The following CASQ2 variants were observed in gnomAD, a reference collection of about 807,000 sequenced individuals.
CASQ2 encodes the protein calsequestrin-2.
Under a neutral mutation model 46.5 loss-of-function variants are expected in CASQ2, and 49 were observed. The ratio of observed to expected loss-of-function variants is 1.05; its 90% CI spans 0.84 to 1.34. CASQ2 has a LOEUF of 1.34. Ranked by LOEUF, CASQ2 falls within the 40% of genes most tolerant of loss-of-function variation. The probability of loss-of-function intolerance (pLI) is 0.00; values close to 1 mark genes in which losing one functional copy is unlikely to be tolerated. For synonymous variants in CASQ2, 174 were observed against 168.5 expected (o/e 1.03, Z -0.25); for missense variants, 486 against 481.3 (o/e 1.01, Z -0.09).
At chr1:115,752,094 C>T (rs1244933289) in intron 1 of CASQ2, among the ~76,000 whole-genome samples, 3 of 152,214 alleles carry the variant, frequency 2.0e-5, no homozygotes, top group African/African-American at 4.8e-5. Context: ...TGCTTCTACA[C>T]ACACCCCTCA....
At chr1:115,740,611 A>G in intron 3 of CASQ2, 117 bp downstream of exon 3, 2 of 719,198 alleles carry the variant, frequency 2.8e-6, no homozygotes, top group Non-Finnish European at 4.9e-6. Context: ...GTGAATCCTG[A>G]AAAACCTGTC....
chr1:115,763,289 T>C (rs1649023542), intron 1 of CASQ2, among the ~76,000 whole-genome samples: 1 of 151,960 alleles, frequency 6.6e-6, no homozygotes, highest in Admixed American at 6.6e-5. Flanking sequence ...ATTTAATAAA[T>C]GGCATGGATG....
chr1:115,740,336 A>C (rs1278072427), intron 3 of CASQ2, among the ~76,000 whole-genome samples: 1 of 152,154 alleles, frequency 6.6e-6, no homozygotes, highest in Non-Finnish European at 1.5e-5. Context: ...GAGGGTGGCT[A>C]ACTCAGGGTG....
chr1:115,765,828 T>C (rs989433412), intron 1 of CASQ2, among the ~76,000 whole-genome samples: 2 of 152,160 alleles, frequency 1.3e-5, no homozygotes, highest in Non-Finnish European at 2.9e-5. Flanking sequence ...AACTGCCTCC[T>C]CTTTTCCCCC....
At chr1:115,742,424 A>C (rs1648220062) in intron 2 of CASQ2, among the ~76,000 whole-genome samples, 1 of 152,126 alleles carries the variant, frequency 6.6e-6, no homozygotes, top group Admixed American at 6.6e-5. Flanking sequence ...GATAGAGGCC[A>C]AAATAAGGCA....
chr1:115,741,228 A>G (rs7551828), intron 2 of CASQ2, among the ~76,000 whole-genome samples: 108,125 of 152,094 alleles, frequency 0.71, 42,160 homozygotes, highest in Non-Finnish European at 0.88. Context: ...ATTCTCCCTT[A>G]GGTAGACTTG....
At chr1:115,756,863 C>T (rs913815770) in intron 1 of CASQ2, among the ~76,000 whole-genome samples, 1 of 152,186 alleles carries the variant, frequency 6.6e-6, no homozygotes, top group African/African-American at 2.4e-5. Context: ...AGAAGAATCG[C>T]TTGAACCCGG....
At chr1:115,766,663 C>T (rs1027970651) in intron 1 of CASQ2, among the ~76,000 whole-genome samples, 3 of 152,140 alleles carry the variant, frequency 2.0e-5, no homozygotes, top group Non-Finnish European at 2.9e-5. Context: ...AATGATGCCT[C>T]ACTCCAGCTT....
chr1:115,758,440 G>A (rs561555139), intron 1 of CASQ2, among the ~76,000 whole-genome samples: 2 of 152,160 alleles, frequency 1.3e-5, no homozygotes, highest in African/African-American at 2.4e-5. Flanking sequence ...AGGTGCTGGG[G>A]TATAGCAATG....
At chr1:115,724,227 A>G (rs1647489763) in intron 7 of CASQ2, among the ~76,000 whole-genome samples, 2 of 152,220 alleles carry the variant, frequency 1.3e-5, no homozygotes, top group South Asian at 4.1e-4. Flanking sequence ...GTTTTTAGTT[A>G]TGTGTCTTTT....
intron 1 of CASQ2, among the ~76,000 whole-genome samples, chr1:115,755,258 A>G (rs1648719591): frequency 1.3e-5 from 2 of 152,262 alleles, no homozygotes; most frequent in East Asian, 1.9e-4. Context: ...CCCTTTACCA[A>G]TTTTTCTCAA....
chr1:115,713,317 G>C (rs1159518267), intron 8 of CASQ2, among the ~76,000 whole-genome samples: 1 of 152,190 alleles, frequency 6.6e-6, no homozygotes, highest in Non-Finnish European at 1.5e-5. Flanking sequence ...AGGAAGACTG[G>C]CAGCACCACC....
intron 8 of CASQ2, among the ~76,000 whole-genome samples, chr1:115,711,020 G>A (rs4543790): frequency 0.58 from 88,034 of 152,106 alleles, 25,891 homozygotes; most frequent in East Asian, 0.66. Context: ...GGCCACATTC[G>A]GCAGAGGCTC....
intron 8 of CASQ2, among the ~76,000 whole-genome samples, chr1:115,716,795 G>A (rs996364834): frequency 6.6e-6 from 1 of 152,168 alleles, no homozygotes; most frequent in Non-Finnish European, 1.5e-5. Context: ...ACTACCCCAG[G>A]ATAATGTAGC....
chr1:115,730,497 T>C (rs1647747687), intron 5 of CASQ2, among the ~76,000 whole-genome samples: 1 of 152,210 alleles, frequency 6.6e-6, no homozygotes, highest in Non-Finnish European at 1.5e-5. Context: ...TAAATACTTG[T>C]TGAGTGAATG....
intron 1 of CASQ2, among the ~76,000 whole-genome samples, chr1:115,766,164 C>G (rs1162208919): frequency 6.6e-6 from 1 of 152,182 alleles, no homozygotes; most frequent in East Asian, 1.9e-4. Context: ...TCATCAGACC[C>G]GGGTCCAGAG....
chr1:115,755,564 G>A (rs1473563679), intron 1 of CASQ2, among the ~76,000 whole-genome samples: 1 of 152,146 alleles, frequency 6.6e-6, no homozygotes, highest in East Asian at 1.9e-4. Flanking sequence ...AGCAGAAAAG[G>A]AACCTGTTCC....
intron 1 of CASQ2, among the ~76,000 whole-genome samples, chr1:115,750,052 T>C (rs1325690730): frequency 6.6e-6 from 1 of 152,238 alleles, no homozygotes; most frequent in African/African-American, 2.4e-5. Flanking sequence ...TGTGCTTCTT[T>C]TGTATCTTGC....
intron 1 of CASQ2, among the ~76,000 whole-genome samples, chr1:115,757,697 G>A (rs1648809518): frequency 6.6e-6 from 1 of 151,974 alleles, no homozygotes; most frequent in African/African-American, 2.4e-5. Flanking sequence ...TATATTTTGG[G>A]CTAAGAATCC....
Sources: allele counts gnomAD v4.1 joint callset (sites outside exome capture counted in the v4.1 genomes callset), GRCh38; gene constraint gnomAD v4.1.1; transcripts MANE v1.5; gene names NCBI Gene and HGNC (gene_info 2026-07-23, HGNC 2026-07-21).